MAP3K5: variants seen among roughly 807,000 people sequenced by gnomAD.
MAP3K5 encodes mitogen-activated protein kinase kinase kinase 5.
MAP3K5 carries 56 observed loss-of-function variants against 158.7 expected under a neutral mutation model. That is an observed-to-expected ratio of 0.35 (90% CI 0.28 to 0.44). The LOEUF (loss-of-function observed/expected upper bound fraction) is 0.44, where lower values mean the gene tolerates loss of function less well. MAP3K5 is among the 20% of genes least tolerant of loss of function. The pLI is 1.00. For synonymous variants in MAP3K5, 579 were observed against 601.7 expected, an observed-to-expected ratio of 0.96 and a Z score of 0.55; for missense variants, 1,294 against 1,674.8, an observed-to-expected ratio of 0.77 and a Z score of 3.97.
intron 25 of MAP3K5, among the ~76,000 whole-genome samples, chr6:136,578,936 C>T (rs1053984789): frequency 4.0e-5 from 6 of 150,966 alleles, no homozygotes; most frequent in African/African-American, 9.8e-5. Context: ...TTTGGGAGGC[C>T]GAGGCGGGAG....
chr6:136,724,069 GGAA>G (rs1470532053), intron 1 of MAP3K5, among the ~76,000 whole-genome samples: 2 of 151,866 alleles, frequency 1.3e-5, no homozygotes, highest in African/African-American at 4.8e-5. Context: ...ACGTGGGGCT[GGAA>G]GAAACCAAAT....
intron 2 of MAP3K5, among the ~76,000 whole-genome samples, chr6:136,713,539 C>T (rs1379371953): frequency 6.6e-5 from 10 of 152,204 alleles, no homozygotes; most frequent in African/African-American, 2.2e-4. Flanking sequence ...CTAAATAAAT[C>T]ATTCATCTAG....
chr6:136,577,330 A>G (rs1178721160), intron 25 of MAP3K5, among the ~76,000 whole-genome samples: 1 of 152,242 alleles, frequency 6.6e-6, no homozygotes, highest in Non-Finnish European at 1.5e-5. Context: ...CATCATTTGT[A>G]TATTGGTATA....
intron 18 of MAP3K5, among the ~76,000 whole-genome samples, chr6:136,610,775 A>G (rs1776301437): frequency 6.6e-6 from 1 of 152,012 alleles, no homozygotes; most frequent in Non-Finnish European, 1.5e-5. Flanking sequence ...GAAAAGGGCC[A>G]AATCAAATTC....
At chr6:136,708,886 C>A (rs1781187491) in intron 2 of MAP3K5, among the ~76,000 whole-genome samples, 1 of 152,176 alleles carries the variant, frequency 6.6e-6, no homozygotes, top group East Asian at 1.9e-4. Context: ...ATGGCTCTCA[C>A]TTGATAGAAT....
At chr6:136,595,275 C>T (rs6928133) in intron 21 of MAP3K5, among the ~76,000 whole-genome samples, 1 of 152,072 alleles carries the variant, frequency 6.6e-6, no homozygotes, top group Non-Finnish European at 1.5e-5. Flanking sequence ...GTGCCACCAC[C>T]CCTGGCTAAT....
chr6:136,607,111 A>G (rs1173999961), intron 18 of MAP3K5, among the ~76,000 whole-genome samples: 1 of 152,148 alleles, frequency 6.6e-6, no homozygotes, highest in African/African-American at 2.4e-5. Flanking sequence ...ATTTCTCTTC[A>G]TTTGTAGCTT....
At chr6:136,563,872 T>C (rs1207726673) in intron 26 of MAP3K5, among the ~76,000 whole-genome samples, 1 of 152,236 alleles carries the variant, frequency 6.6e-6, no homozygotes, top group Non-Finnish European at 1.5e-5. Context: ...ACTCTATTTG[T>C]TTCATTTTCT....
chr6:136,581,560 C>A (rs1366484697), intron 24 of MAP3K5, among the ~76,000 whole-genome samples: 1 of 152,182 alleles, frequency 6.6e-6, no homozygotes, highest in Non-Finnish European at 1.5e-5. Context: ...ATCCCTACTG[C>A]AGCTGGGGAG....
At chr6:136,757,579 A>ATTTTTTTT (rs776508913) in intron 1 of MAP3K5, among the ~76,000 whole-genome samples, 11 of 111,972 alleles carry the variant, frequency 9.8e-5, no homozygotes, top group South Asian at 5.6e-4. Context: ...TTATTTATTT[A>ATTTTTTTT]TTTTTTATTT....
At chr6:136,742,638 T>C (rs959477379) in intron 1 of MAP3K5, among the ~76,000 whole-genome samples, 7 of 152,092 alleles carry the variant, frequency 4.6e-5, no homozygotes, top group African/African-American at 1.7e-4. Context: ...AAAAGAATTA[T>C]AAGCTGGACT....
At chr6:136,684,657 T>A (rs1050836552) in intron 7 of MAP3K5, among the ~76,000 whole-genome samples, 5 of 152,140 alleles carry the variant, frequency 3.3e-5, no homozygotes, top group South Asian at 2.1e-4. Flanking sequence ...AAGCTGGCTC[T>A]CCTCCCAGCT....
chr6:136,674,698 T>C (rs900124589), intron 7 of MAP3K5, among the ~76,000 whole-genome samples: 1 of 151,938 alleles, frequency 6.6e-6, no homozygotes, highest in Non-Finnish European at 1.5e-5. Context: ...AAAATGCAAG[T>C]ATATTCATTT....
At chr6:136,679,562 T>A (rs769800208) in intron 7 of MAP3K5, among the ~76,000 whole-genome samples, 11 of 152,198 alleles carry the variant, frequency 7.2e-5, no homozygotes, top group Non-Finnish European at 1.3e-4. Context: ...GGTGGGGGTA[T>A]AACCCTCCAA....
chr6:136,650,550 A>ATC, intron 11 of MAP3K5, among the ~76,000 whole-genome samples: 1 of 152,356 alleles, frequency 6.6e-6, no homozygotes, highest in Admixed American at 6.5e-5. Context: ...AACTACTTAG[A>ATC]TAACAAAACA....
chr6:136,646,286 A>C (rs1353774322), intron 11 of MAP3K5, among the ~76,000 whole-genome samples: 1 of 152,210 alleles, frequency 6.6e-6, no homozygotes, highest in African/African-American at 2.4e-5. Context: ...TGGACAGTAC[A>C]TAACTTAAAT....
intron 7 of MAP3K5, among the ~76,000 whole-genome samples, chr6:136,681,643 G>A (rs1216946802): frequency 6.6e-6 from 1 of 151,874 alleles, no homozygotes; most frequent in Non-Finnish European, 1.5e-5. Context: ...AAAAAACAAA[G>A]CAAAACGAAA....
intron 11 of MAP3K5, 143 bp downstream of exon 11, chr6:136,650,841 C>T (rs117793783): frequency 0.01 from 4,663 of 465,704 alleles, 43 homozygotes; most frequent in Non-Finnish European, 0.015. Flanking sequence ...TTTTATAATA[C>T]GGAATGCATT....
In MAP3K5 at chr6:136,715,579, A is replaced by T. The variant is rs368375030; in HGVS notation, c.588+4871T>A. Among the ~76,000 whole-genome samples, 51 of 152,334 alleles carry T rather than the reference A, an allele frequency of 3.3e-4. 2 individuals carry two copies. In the South Asian group the frequency reaches 0.011, roughly 32 times the overall value. On this transcript the variant is annotated intron_variant, in intron 2 of 29. Coordinates refer to ENST00000359015, the MANE Select transcript of MAP3K5 (RefSeq NM_005923.4). ...CTATCCTTTTATAACACAAGTGTGT[A>T]TAAAAGCATCCTCTTGCACTGACAA... is the stretch of plus-strand genomic sequence containing the variant.
Sources: allele counts gnomAD v4.1 joint callset (sites outside exome capture counted in the v4.1 genomes callset), GRCh38; gene constraint gnomAD v4.1.1; transcripts MANE v1.5; gene names NCBI Gene and HGNC (gene_info 2026-07-23, HGNC 2026-07-21).